TAS2R1: variants seen among roughly 807,000 people sequenced by gnomAD.
The protein encoded by TAS2R1 is taste 2 receptor member 1.
For missense variants in TAS2R1, 370 were observed against 353.4 expected, an observed-to-expected ratio of 1.05 and a Z score of -0.38; for synonymous variants, 141 against 134.2, an observed-to-expected ratio of 1.05 and a Z score of -0.35.
intron 1 of TAS2R1, among the ~76,000 whole-genome samples, chr5:9,695,585 C>T (rs2126521144): frequency 6.6e-6 from 1 of 152,188 alleles, no homozygotes; most frequent in South Asian, 2.1e-4. Flanking sequence ...GGCTTGGGTG[C>T]ACTGGGGGTG....
chr5:9,697,982 A>G (rs1168037773), intron 1 of TAS2R1, among the ~76,000 whole-genome samples: 1 of 152,130 alleles, frequency 6.6e-6, no homozygotes, highest in African/African-American at 2.4e-5. Context: ...TATTTAAAAA[A>G]TTTCTGAGCA....
chr5:9,711,111 C>T (rs932975618), intron 1 of TAS2R1, among the ~76,000 whole-genome samples: 1 of 151,594 alleles, frequency 6.6e-6, no homozygotes, highest in Non-Finnish European at 1.5e-5. Flanking sequence ...TGGAGATCAT[C>T]AAAAAATTCA....
intron 1 of TAS2R1, among the ~76,000 whole-genome samples, chr5:9,690,659 C>T (rs921247315): frequency 2.0e-5 from 3 of 151,890 alleles, no homozygotes; most frequent in Admixed American, 6.6e-5. Context: ...AGTGTTGATA[C>T]GTACCCCTTG....
upstream of TAS2R1, among the ~76,000 whole-genome samples, chr5:9,716,488 G>A (rs1167579867): frequency 6.6e-6 from 1 of 152,022 alleles, no homozygotes; most frequent in Non-Finnish European, 1.5e-5. Flanking sequence ...AAAACCCAGA[G>A]ACAACAATCG....
intron 2 of TAS2R1, among the ~76,000 whole-genome samples, chr5:9,639,130 A>G (rs1480282726): frequency 6.6e-6 from 1 of 152,160 alleles, no homozygotes; most frequent in Non-Finnish European, 1.5e-5. Flanking sequence ...ACTCTGCTCA[A>G]GAAAATTTGT....
chr5:9,886,366 A>C, the TAS2R1 span, among the ~76,000 whole-genome samples: 277 of 142,774 alleles, frequency 1.9e-3, no homozygotes, highest in Non-Finnish European at 3.6e-3. Flanking sequence ...GACGAGTCTC[A>C]CTCTGTCGCC....
At chr5:9,731,466 C>T in the TAS2R1 span, among the ~76,000 whole-genome samples, 2 of 152,228 alleles carry the variant, frequency 1.3e-5, no homozygotes, top group East Asian at 1.9e-4. Flanking sequence ...CCCCACCCAG[C>T]GGCTTCCTCA....
At chr5:9,855,056 C>T in the TAS2R1 span, among the ~76,000 whole-genome samples, 1 of 152,176 alleles carries the variant, frequency 6.6e-6, no homozygotes, top group Non-Finnish European at 1.5e-5. Flanking sequence ...GCAACCCTGC[C>T]CTAATGGGAC....
chr5:9,806,973 G>C, the TAS2R1 span, among the ~76,000 whole-genome samples: 2 of 152,026 alleles, frequency 1.3e-5, no homozygotes, highest in Admixed American at 1.3e-4. Context: ...AACCCACAGA[G>C]TGGAGAAAGT....
chr5:9,883,447 AG>A, the TAS2R1 span: 1 of 152,222 alleles, frequency 6.6e-6, no homozygotes, highest in Non-Finnish European at 1.5e-5. Flanking sequence ...GGCTCAAATG[AG>A]GGGAAAACAA....
At chr5:9,663,477 A>G (rs1261205822) in intron 1 of TAS2R1, among the ~76,000 whole-genome samples, 1 of 152,136 alleles carries the variant, frequency 6.6e-6, no homozygotes, top group Non-Finnish European at 1.5e-5. Context: ...TTTTTCTTCT[A>G]AGAAGAAGTT....
At chr5:9,899,990 T>C in the TAS2R1 span, among the ~76,000 whole-genome samples, 2 of 152,186 alleles carry the variant, frequency 1.3e-5, no homozygotes, top group Admixed American at 6.5e-5. Context: ...TGAAGATAAG[T>C]CTCCATTTCT....
At chr5:9,826,061 ATAATTACATTTAACATTTACATT>A in the TAS2R1 span, among the ~76,000 whole-genome samples, 5 of 152,350 alleles carry the variant, frequency 3.3e-5, no homozygotes, top group South Asian at 1.0e-3. Context: ...GGTAATTTTT[ATAATTACATTTAACATTTACATT>A]TAATTACATT....
At chr5:9,877,711 C>A in the TAS2R1 span, among the ~76,000 whole-genome samples, 1 of 152,154 alleles carries the variant, frequency 6.6e-6, no homozygotes, top group East Asian at 1.9e-4. Flanking sequence ...TCAACAGAGC[C>A]GAGAGAAATT....
At chr5:9,898,137 A>G in the TAS2R1 span, among the ~76,000 whole-genome samples, 29 of 152,320 alleles carry the variant, frequency 1.9e-4, no homozygotes, top group Admixed American at 7.2e-4. Flanking sequence ...TTCCTTGCCT[A>G]ATAATTGTTC....
At chr5:9,830,742 T>C in the TAS2R1 span, among the ~76,000 whole-genome samples, 3 of 152,232 alleles carry the variant, frequency 2.0e-5, no homozygotes, top group African/African-American at 7.2e-5. Flanking sequence ...ATTTCTCTGC[T>C]ATCCCCAACC....
chr5:9,823,140 A>G, the TAS2R1 span, among the ~76,000 whole-genome samples: 1 of 152,244 alleles, frequency 6.6e-6, no homozygotes, highest in Non-Finnish European at 1.5e-5. Context: ...ATATAAAAGT[A>G]TATTTTTCTG....
At chr5:9,850,739 G>A in the TAS2R1 span, among the ~76,000 whole-genome samples, 3 of 152,156 alleles carry the variant, frequency 2.0e-5, no homozygotes, top group Non-Finnish European at 1.5e-5. Context: ...TAAGTATGCC[G>A]GGGAGCAAGT....
chr5:9,666,648 G>A (rs1189890993), intron 1 of TAS2R1, among the ~76,000 whole-genome samples: 1 of 152,026 alleles, frequency 6.6e-6, no homozygotes, highest in Non-Finnish European at 1.5e-5. Flanking sequence ...GCTGGGTGGG[G>A]TGGGGGCAAA....
Sources: allele counts gnomAD v4.1 joint callset (sites outside exome capture counted in the v4.1 genomes callset), GRCh38; gene constraint gnomAD v4.1.1; transcripts MANE v1.5; gene names NCBI Gene and HGNC (gene_info 2026-07-23, HGNC 2026-07-21).